Variants in TRAF3 observed in about 807,000 individuals in gnomAD.
The protein encoded by TRAF3 is TNF receptor-associated factor 3.
Under a neutral mutation model 62.3 loss-of-function variants are expected in TRAF3, and 13 were observed. That is an observed-to-expected ratio of 0.21 (90% CI 0.14 to 0.33). TRAF3 has a LOEUF of 0.33. TRAF3 is among the 10% of genes least tolerant of loss of function. The probability of loss-of-function intolerance (pLI) is 1.00; values close to 1 mark genes in which losing one functional copy is unlikely to be tolerated. For synonymous variants in TRAF3, 269 were observed against 283.4 expected, an observed-to-expected ratio of 0.95 and a Z score of 0.51; for missense variants, 440 against 741.8, an observed-to-expected ratio of 0.59 and a Z score of 4.73.
intron 2 of TRAF3, among the ~76,000 whole-genome samples, chr14:102,839,117 T>C (rs891887755): frequency 2.0e-5 from 3 of 151,632 alleles, no homozygotes; most frequent in African/African-American, 7.3e-5. Context: ...TGAGGTAGGA[T>C]TGGGAGTTCG....
At chr14:102,892,621 A>G (rs1024495002) in intron 9 of TRAF3, among the ~76,000 whole-genome samples, 10 of 152,266 alleles carry the variant, frequency 6.6e-5, no homozygotes, top group African/African-American at 2.4e-4. Flanking sequence ...GGAGGATACT[A>G]TGGTGAATTA....
At chr14:102,892,244 G>C (rs1889763412) in intron 9 of TRAF3, among the ~76,000 whole-genome samples, 1 of 152,104 alleles carries the variant, frequency 6.6e-6, no homozygotes, top group African/African-American at 2.4e-5. Flanking sequence ...TTTTAGTAGA[G>C]ATGGGGTTTC....
chr14:102,886,129 G>C, intron 6 of TRAF3, 60 bp from the exon 7 acceptor site: 1 of 1,578,088 alleles, frequency 6.3e-7, no homozygotes, highest in East Asian at 2.3e-5. Context: ...GGGGATCTCA[G>C]CGGGACTGAA....
intron 2 of TRAF3, among the ~76,000 whole-genome samples, chr14:102,856,123 T>G (rs962379962): frequency 6.8e-6 from 1 of 146,170 alleles, no homozygotes; most frequent in Non-Finnish European, 1.5e-5. Flanking sequence ...AAAAAAAAAT[T>G]ACAGCCATCC....
intron 1 of TRAF3, among the ~76,000 whole-genome samples, chr14:102,787,751 A>G (rs1337329794): frequency 6.6e-6 from 1 of 151,636 alleles, no homozygotes; most frequent in Non-Finnish European, 1.5e-5. Context: ...ACCTCTTCAA[A>G]GGGGTCTTCT....
At position 102,825,885 on chromosome 14, in the gene TRAF3, G is replaced by T. The variant is rs558809977; in HGVS notation, c.-156-4449G>T. Among the ~76,000 whole-genome samples, 27 of 152,340 alleles carry T rather than the reference G, an allele frequency of 1.8e-4. 1 individual carries two copies. The highest frequency in any genetic ancestry group is 1.1e-3 in the Admixed American group (17 of 15,298). On this transcript the variant is annotated intron_variant, in intron 1 of 11. Coordinates refer to ENST00000392745, the MANE Select transcript of TRAF3 (RefSeq NM_145725.3). ...CTCTGAAGCACGGTGATGGCAAAAG[G>T]AAACCACCTCACGCTACCTCTTTGT...
At chr14:102,895,614 C>A (rs920933521) in intron 9 of TRAF3, among the ~76,000 whole-genome samples, 3 of 152,146 alleles carry the variant, frequency 2.0e-5, no homozygotes, top group African/African-American at 4.8e-5. Context: ...GGGGTGGAGA[C>A]CACCACCCCA....
At chr14:102,798,889 G>T (rs1314606871) in intron 1 of TRAF3, among the ~76,000 whole-genome samples, 1 of 152,190 alleles carries the variant, frequency 6.6e-6, no homozygotes, top group Non-Finnish European at 1.5e-5. Flanking sequence ...CAGACTGCCA[G>T]TTTCAGTCTG....
intron 1 of TRAF3, among the ~76,000 whole-genome samples, chr14:102,782,374 CA>C (rs549588654): frequency 5.7e-4 from 86 of 152,202 alleles, no homozygotes; most frequent in African/African-American, 2.0e-3. Context: ...GCTGGGACTA[CA>C]GGTGCTTGCC....
intron 2 of TRAF3, among the ~76,000 whole-genome samples, chr14:102,837,151 G>T (rs969253683): frequency 9.0e-4 from 77 of 85,834 alleles, no homozygotes; most frequent in South Asian, 2.2e-3. Context: ...TGTTTTTTTT[G>T]GGGGGGGGTG....
At chr14:102,891,174 C>A in intron 8 of TRAF3, 151 bp from the exon 9 acceptor site, 1 of 758,174 alleles carries the variant, frequency 1.3e-6, no homozygotes, top group South Asian at 1.5e-5. Flanking sequence ...CTGAGCACAG[C>A]CCTCCTTAGG....
chr14:102,801,745 G>A (rs1420324304), intron 1 of TRAF3, among the ~76,000 whole-genome samples: 2 of 151,964 alleles, frequency 1.3e-5, no homozygotes, highest in African/African-American at 4.8e-5. Flanking sequence ...TTGGTCTGCT[G>A]CAGTGGCTCA....
At chr14:102,785,397 A>C (rs2140065974) in intron 1 of TRAF3, among the ~76,000 whole-genome samples, 1 of 152,264 alleles carries the variant, frequency 6.6e-6, no homozygotes, top group Non-Finnish European at 1.5e-5. Flanking sequence ...CCCTAACCTG[A>C]TTTGCTAATG....
chr14:102,877,192 G>A (rs1756583354), intron 6 of TRAF3, among the ~76,000 whole-genome samples: 1 of 147,520 alleles, frequency 6.8e-6, no homozygotes, highest in Non-Finnish European at 1.5e-5. Context: ...CGTTCCACAG[G>A]CCTTCCGCTC....
chr14:102,888,019 G>T (rs963396457), intron 7 of TRAF3, among the ~76,000 whole-genome samples: 1 of 152,090 alleles, frequency 6.6e-6, no homozygotes, highest in Non-Finnish European at 1.5e-5. Context: ...CCGAGACTCA[G>T]AATACTGATA....
intron 2 of TRAF3, among the ~76,000 whole-genome samples, chr14:102,869,933 A>G (rs1472608914): frequency 6.6e-6 from 1 of 152,078 alleles, no homozygotes; most frequent in East Asian, 1.9e-4. Context: ...CCTCATCCCA[A>G]TTTATTAAGT....
At chr14:102,888,848 G>A (rs1889552206) in intron 7 of TRAF3, among the ~76,000 whole-genome samples, 1 of 152,176 alleles carries the variant, frequency 6.6e-6, no homozygotes, top group Non-Finnish European at 1.5e-5. Flanking sequence ...GGCATCATAA[G>A]TAATTTTTAT....
chr14:102,786,406 G>A (rs1897504254), intron 1 of TRAF3, among the ~76,000 whole-genome samples: 1 of 152,154 alleles, frequency 6.6e-6, no homozygotes, highest in African/African-American at 2.4e-5. Flanking sequence ...AGTGAGCCTG[G>A]GCTGGGTGCG....
At chr14:102,801,237 G>C (rs1380301977) in intron 1 of TRAF3, among the ~76,000 whole-genome samples, 1 of 152,166 alleles carries the variant, frequency 6.6e-6, no homozygotes, top group Non-Finnish European at 1.5e-5. Flanking sequence ...GCCTCCCAAA[G>C]TGCTGGGATT....
Sources: gnomAD v4.1 joint callset for allele counts (sites outside exome capture counted in the v4.1 genomes callset) on GRCh38, gnomAD v4.1.1 for gene constraint, MANE v1.5 for transcripts, NCBI Gene and HGNC (gene_info 2026-07-23, HGNC 2026-07-21) for gene names.